DGKI: variants seen among roughly 807,000 people sequenced by gnomAD.
DGKI encodes diacylglycerol kinase iota.
In DGKI, 55 loss-of-function variants were observed where a neutral mutation model predicts 147.5. That is an observed-to-expected ratio of 0.37 (90% CI 0.30 to 0.47). The LOEUF is 0.47. Among genes scored for constraint, DGKI ranks in the 20% least tolerant of loss-of-function variants. DGKI has a pLI of 1.00. For missense variants in DGKI, 1,007 were observed against 1,323.8 expected (o/e 0.76, Z 3.71); for synonymous variants, 469 against 477.1 (o/e 0.98, Z 0.22).
chr7:137,546,217 G>C (rs1817861681), intron 20 of DGKI, among the ~76,000 whole-genome samples: 1 of 152,170 alleles, frequency 6.6e-6, no homozygotes, highest in Admixed American at 6.5e-5. Context: ...GACCGGAGCG[G>C]GGCCAGGCTG....
chr7:137,686,492 G>A (rs1823421832), intron 2 of DGKI, among the ~76,000 whole-genome samples: 1 of 152,134 alleles, frequency 6.6e-6, no homozygotes, highest in African/African-American at 2.4e-5. Context: ...GAGCCCATGT[G>A]GGACAGAGAA....
At chr7:137,787,587 C>G (rs1390629307) in intron 1 of DGKI, among the ~76,000 whole-genome samples, 1 of 152,092 alleles carries the variant, frequency 6.6e-6, no homozygotes, top group African/African-American at 2.4e-5. Flanking sequence ...ATAGATCTAC[C>G]ATTTGATCCA....
At chr7:137,517,322 A>AG (rs1491425475) in intron 21 of DGKI, among the ~76,000 whole-genome samples, 4 of 129,082 alleles carry the variant, frequency 3.1e-5, no homozygotes, top group African/African-American at 1.3e-4. Context: ...AAAGAAAGAA[A>AG]GAAAGAAAGA....
intron 20 of DGKI, among the ~76,000 whole-genome samples, chr7:137,526,790 G>A (rs753243042): frequency 6.6e-5 from 10 of 152,008 alleles, no homozygotes; most frequent in Non-Finnish European, 1.2e-4. Context: ...CATCAGAGTC[G>A]TATTCCTCCC....
chr7:137,516,479 A>C (rs910402652), intron 21 of DGKI, among the ~76,000 whole-genome samples: 1 of 152,172 alleles, frequency 6.6e-6, no homozygotes, highest in African/African-American at 2.4e-5. Context: ...TTCTTTCATT[A>C]TTTAAATGAC....
At chr7:137,654,614 T>C (rs1395106613) in intron 5 of DGKI, 118 bp downstream of exon 5, 3 of 755,530 alleles carry the variant, frequency 4.0e-6, no homozygotes, top group Non-Finnish European at 6.8e-6. Context: ...TAACAAAAAA[T>C]TGGCATGCAA....
rs1396125188 is a variant in DGKI at position 137,770,534 on chromosome 7, GTTTT to G, written c.401+75924_401+75927del. Among the ~76,000 whole-genome samples, 7 of 101,418 alleles carry G rather than the reference GTTTT, an allele frequency of 6.9e-5. 1 individual carries two copies. In the East Asian group the frequency reaches 1.3e-3, roughly 18 times the overall value. 66.5% of individuals were successfully genotyped at this position (101,418 alleles called of 152,430 possible). A position where few individuals can be genotyped will look rare whatever the true frequency, so the allele number is the denominator to read the frequency against. ...AAAATCAATAAATTATACTCAGTGG[GTTTT>G]TTTTTTTTTTTTTGAGACGGAGTCT... On this transcript the variant is annotated intron_variant, in intron 1 of 32. Transcript: ENST00000614521.
intron 1 of DGKI, among the ~76,000 whole-genome samples, chr7:137,705,233 AG>A (rs1563158957): frequency 1.3e-5 from 2 of 152,132 alleles, no homozygotes; most frequent in Middle Eastern, 3.2e-3. Flanking sequence ...AATATGACCC[AG>A]AAATTTCACT....
chr7:137,425,207 G>A (rs184694497), intron 28 of DGKI, among the ~76,000 whole-genome samples: 1 of 151,056 alleles, frequency 6.6e-6, no homozygotes, highest in Non-Finnish European at 1.5e-5. Flanking sequence ...AAAACTTCCA[G>A]AGGAAAGATC....
Position 137,407,865 on chromosome 7 carries a change from G to C in DGKI, c.2920+10C>G. ...AAGTGATCCTTGGTAAGTTCACTAT[G>C]CCTACTTACCGTGGTCAAGGATATA... On this transcript the variant is annotated intron_variant, in intron 30 of 32. Coordinates refer to ENST00000614521, the MANE Select transcript of DGKI (RefSeq NM_001321708.2). 2 of 1,613,784 alleles carry C rather than the reference G, an allele frequency of 1.2e-6. No homozygotes were observed. The highest frequency in any genetic ancestry group is 8.5e-7 in the Non-Finnish European group (1 of 1,179,814).
At chr7:137,701,941 C>T (rs1355929789) in intron 1 of DGKI, among the ~76,000 whole-genome samples, 1 of 152,098 alleles carries the variant, frequency 6.6e-6, no homozygotes, top group Non-Finnish European at 1.5e-5. Context: ...AAATCCAGAA[C>T]ATGTGCTATT....
chr7:137,565,289 A>G (rs1723087), intron 19 of DGKI, among the ~76,000 whole-genome samples: 7,830 of 152,210 alleles, frequency 0.051, 514 homozygotes, highest in African/African-American at 0.13. Flanking sequence ...ATATGGTTTC[A>G]TGTATTTTTA....
chr7:137,581,569 A>C (rs1819193240), intron 15 of DGKI, among the ~76,000 whole-genome samples: 1 of 152,090 alleles, frequency 6.6e-6, no homozygotes, highest in East Asian at 1.9e-4. Flanking sequence ...AAGATTAACA[A>C]TCCCAAGACC....
At chr7:137,508,856 CTG>C (rs772473210) in intron 21 of DGKI, among the ~76,000 whole-genome samples, 18 of 152,070 alleles carry the variant, frequency 1.2e-4, no homozygotes, top group Non-Finnish European at 2.6e-4. Flanking sequence ...GAAAAAGAAA[CTG>C]TTCTGAGTTT....
chr7:137,683,568 G>C (rs767485578), intron 2 of DGKI, among the ~76,000 whole-genome samples: 2 of 152,018 alleles, frequency 1.3e-5, no homozygotes, highest in Non-Finnish European at 2.9e-5. Flanking sequence ...AACATACCTC[G>C]CATTTCCCTT....
intron 19 of DGKI, among the ~76,000 whole-genome samples, chr7:137,556,945 C>T (rs1321308775): frequency 6.6e-6 from 1 of 151,986 alleles, no homozygotes; most frequent in Non-Finnish European, 1.5e-5. Context: ...GTAAAGCAAA[C>T]ATGAGTGGGC....
intron 28 of DGKI, among the ~76,000 whole-genome samples, chr7:137,442,173 C>T (rs1432762231): frequency 1.3e-5 from 2 of 151,992 alleles, no homozygotes; most frequent in Non-Finnish European, 2.9e-5. Context: ...TTTTTTGAAG[C>T]CATGAAATTA....
chr7:137,815,106 G>A lies in DGKI; in HGVS notation c.401+31356C>T, dbSNP rs186577960. ...TAATATTGACCTTTGGCTCATAAAA[G>A]TAGAATTACTGGTTTTATTATTACT... On this transcript the variant is annotated intron_variant, in intron 1 of 32. Coordinates refer to ENST00000614521, the MANE Select transcript of DGKI (RefSeq NM_001321708.2). 5.8e-3 allele frequency among the ~76,000 whole-genome samples: 882 copies of A among 151,272 alleles called. 6 individuals are homozygous for A. The highest frequency in any genetic ancestry group is 8.1e-3 in the Non-Finnish European group (547 of 67,840).
intron 1 of DGKI, among the ~76,000 whole-genome samples, chr7:137,774,286 A>G (rs1796296127): frequency 6.6e-6 from 1 of 152,060 alleles, no homozygotes; most frequent in Non-Finnish European, 1.5e-5. Context: ...GTTAGCTCCT[A>G]TTTTCCCAAC....
Sources: gnomAD v4.1 joint callset for allele counts (sites outside exome capture counted in the v4.1 genomes callset) on GRCh38, gnomAD v4.1.1 for gene constraint, MANE v1.5 for transcripts, NCBI Gene and HGNC (gene_info 2026-07-23, HGNC 2026-07-21) for gene names.